Variants in CTNNA3 observed in about 807,000 individuals in gnomAD.
CTNNA3 encodes the protein catenin alpha-3.
In CTNNA3, 76 loss-of-function variants were observed where a neutral mutation model predicts 95.7. The ratio of observed to expected loss-of-function variants is 0.79; its 90% confidence interval spans 0.66 to 0.96. The LOEUF is 0.96. Among genes scored for constraint, CTNNA3 ranks in the 40% least tolerant of loss-of-function variants. The probability of loss-of-function intolerance (pLI) is 0.00; values close to 1 mark genes in which losing one functional copy is unlikely to be tolerated. For missense variants in CTNNA3, 1,191 were observed against 1,089.8 expected (o/e 1.09, Z -1.31); for synonymous variants, 431 against 374.4 (o/e 1.15, Z -1.74).
chr10:66,924,409 A>G (rs568547657), intron 7 of CTNNA3, among the ~76,000 whole-genome samples: 21 of 152,224 alleles, frequency 1.4e-4, no homozygotes, highest in Non-Finnish European at 2.8e-4. Context: ...CAAGAATACC[A>G]TTATTTTTAA....
Position 67,227,587 on chromosome 10 carries a change from C to A in CTNNA3, c.580-7717G>T, listed in dbSNP as rs1479467443. On this transcript the variant is annotated intron_variant, in intron 5 of 17. Coordinates refer to ENST00000433211, the MANE Select transcript of CTNNA3 (RefSeq NM_013266.4). The stretch of plus-strand genomic sequence containing the variant: ...AGATCTACGCAATGAGATAGCAACA[C>A]AATAATAGTGGGGGACTTCAATACT... Among the ~76,000 whole-genome samples the A allele has an allele frequency of 2.0e-5, 3 of 152,090 alleles. No homozygotes were observed. In the East Asian group the frequency reaches 5.8e-4, roughly 29 times the overall value.
intron 9 of CTNNA3, among the ~76,000 whole-genome samples, chr10:66,696,306 C>G (rs1369363465): frequency 6.6e-6 from 1 of 152,146 alleles, no homozygotes; most frequent in African/African-American, 2.4e-5. Context: ...TTTACTTCAT[C>G]ATTTTCCAGC....
chr10:66,652,417 A>G (rs955546389), intron 9 of CTNNA3, among the ~76,000 whole-genome samples: 3 of 152,104 alleles, frequency 2.0e-5, no homozygotes, highest in Non-Finnish European at 4.4e-5. Context: ...ATTTCTAGAG[A>G]TATCACCCAC....
chr10:67,403,998 G>GA (rs1006495079), intron 5 of CTNNA3, among the ~76,000 whole-genome samples: 10 of 152,028 alleles, frequency 6.6e-5, no homozygotes, highest in Admixed American at 2.0e-4. Context: ...ACTGTTCAAA[G>GA]AAAAAACGAG....
intron 10 of CTNNA3, among the ~76,000 whole-genome samples, chr10:66,616,025 G>C (rs1449724051): frequency 6.6e-6 from 1 of 151,938 alleles, no homozygotes; most frequent in African/African-American, 2.4e-5. Flanking sequence ...GTGGAGCAAG[G>C]ATTAAGCCCT....
At chr10:66,360,287 C>T (rs899902552) in intron 12 of CTNNA3, among the ~76,000 whole-genome samples, 1 of 149,594 alleles carries the variant, frequency 6.7e-6, no homozygotes, top group Non-Finnish European at 1.5e-5. Context: ...TAAGGGTTTC[C>T]ACGTGTTTGG....
At chr10:66,538,413 AATCTGCTGTTAGGTGCTGGTAT>A (rs1841733031) in intron 10 of CTNNA3, among the ~76,000 whole-genome samples, 2 of 152,100 alleles carry the variant, frequency 1.3e-5, no homozygotes, top group African/African-American at 4.8e-5. Context: ...AGTGCTTGTA[AATCTGCTGTTAGGTGCTGGTAT>A]ATTTAGTGAC....
intron 9 of CTNNA3, among the ~76,000 whole-genome samples, chr10:66,739,922 C>T (rs754880924): frequency 9.9e-4 from 151 of 152,156 alleles, no homozygotes; most frequent in Admixed American, 1.2e-3. Flanking sequence ...TAATTTCTGG[C>T]TGTGTGTATT....
intron 13 of CTNNA3, among the ~76,000 whole-genome samples, chr10:66,235,673 A>G (rs1448886862): frequency 6.6e-6 from 1 of 152,136 alleles, no homozygotes; most frequent in Non-Finnish European, 1.5e-5. Context: ...GTTAAATTGG[A>G]AGCAAGTAAA....
At chr10:67,704,710 G>A (rs971819524) in intron 1 of CTNNA3, among the ~76,000 whole-genome samples, 3 of 152,008 alleles carry the variant, frequency 2.0e-5, no homozygotes, top group Admixed American at 1.3e-4. Flanking sequence ...TCAGGACATA[G>A]GCATGGGCAA....
chr10:66,538,299 T>C (rs757726321), intron 10 of CTNNA3, among the ~76,000 whole-genome samples: 6 of 152,158 alleles, frequency 3.9e-5, no homozygotes, highest in Non-Finnish European at 5.9e-5. Flanking sequence ...GCCTCTATTC[T>C]AGCATTTTCA....
chr10:67,726,273 T>TATAATATTATATTACATATTATATATG (rs376509155), intron 1 of CTNNA3, among the ~76,000 whole-genome samples: 1 of 98,176 alleles, frequency 1.0e-5, no homozygotes, highest in South Asian at 3.2e-4. Context: ...ACATATTATA[T>TATAATATTATATTACATATTATATATG]ATATTATATT....
intron 7 of CTNNA3, among the ~76,000 whole-genome samples, chr10:66,780,624 T>C (rs1247313969): frequency 6.6e-6 from 1 of 152,194 alleles, no homozygotes; most frequent in Non-Finnish European, 1.5e-5. Context: ...TTCATTAGTA[T>C]TTGTCCTATG....
rs973751854 is a variant in CTNNA3 at position 65,914,519 on chromosome 10, C to A, written c.*5811G>T. Reference sequence around the variant, plus strand: ...GGCACATACTATGCACACGTGTGACCTCCATAAAGAAGGAAAGATGTATTT... The same window carrying A: ...GGCACATACTATGCACACGTGTGACATCCATAAAGAAGGAAAGATGTATTT... On this transcript the variant is annotated 3_prime_UTR_variant, in exon 18 of 18. Coordinates refer to ENST00000433211, the MANE Select transcript of CTNNA3 (RefSeq NM_013266.4). 1.3e-5 allele frequency: 2 copies of A among 152,088 alleles called. No individual in the cohort carries two copies. Among genetic ancestry groups the A allele is most frequent in the East Asian group, 3.9e-4 (2 of 5,176 alleles). The allele number at this position is 152,088 out of a possible 1,614,324, so 9.4% of individuals were successfully genotyped here. A position where few individuals can be genotyped will look rare whatever the true frequency, so the allele number is the denominator to read the frequency against.
At chr10:65,964,151 AATG>A (rs2077909403) in intron 17 of CTNNA3, among the ~76,000 whole-genome samples, 1 of 152,180 alleles carries the variant, frequency 6.6e-6, no homozygotes, top group Admixed American at 6.5e-5. Context: ...CTTATAGAAA[AATG>A]ATAGATTAGA....
At chr10:66,614,431 T>C (rs1285622916) in intron 10 of CTNNA3, among the ~76,000 whole-genome samples, 1 of 152,060 alleles carries the variant, frequency 6.6e-6, no homozygotes, top group African/African-American at 2.4e-5. Flanking sequence ...CCTATCCTCA[T>C]GGAGTTTATG....
At chr10:67,762,792 C>A (rs1841469240) in intron 1 of CTNNA3, among the ~76,000 whole-genome samples, 1 of 152,174 alleles carries the variant, frequency 6.6e-6, no homozygotes, top group African/African-American at 2.4e-5. Flanking sequence ...CTGACCTAAT[C>A]AGTTATGTTA....
intron 7 of CTNNA3, among the ~76,000 whole-genome samples, chr10:66,950,413 G>A (rs1408951823): frequency 2.0e-5 from 3 of 151,964 alleles, no homozygotes; most frequent in South Asian, 2.1e-4. Context: ...TATACTATAT[G>A]TTTAATAAAT....
At chr10:66,104,721 GA>G (rs1564647578) in intron 13 of CTNNA3, among the ~76,000 whole-genome samples, 2 of 152,172 alleles carry the variant, frequency 1.3e-5, no homozygotes, top group Non-Finnish European at 1.5e-5. Flanking sequence ...AACCAAAAAC[GA>G]AGTAGAAGAT....
Sources: allele counts gnomAD v4.1 joint callset (sites outside exome capture counted in the v4.1 genomes callset), GRCh38; gene constraint gnomAD v4.1.1; transcripts MANE v1.5; gene names NCBI Gene and HGNC (gene_info 2026-07-23, HGNC 2026-07-21).